ARB2A: variants seen among roughly 807,000 people sequenced by gnomAD.
ARB2A encodes the protein cotranscriptional regulator ARB2A.
At chr5:93,644,455 G>A in the ARB2A span, among the ~76,000 whole-genome samples, 2 of 152,094 alleles carry the variant, frequency 1.3e-5, no homozygotes, top group Non-Finnish European at 2.9e-5. Context: ...ACTGCAGACT[G>A]AACCCTTAAA....
At chr5:94,048,977 T>C in the ARB2A span, among the ~76,000 whole-genome samples, 1 of 152,226 alleles carries the variant, frequency 6.6e-6, no homozygotes, top group East Asian at 1.9e-4. Context: ...CTATTATACT[T>C]ATGTTACCAT....
chr5:93,778,701 T>C, the ARB2A span, among the ~76,000 whole-genome samples: 8 of 152,192 alleles, frequency 5.3e-5, no homozygotes, highest in African/African-American at 1.9e-4. Context: ...AACCAGGTGA[T>C]ATGTCGGTCT....
the ARB2A span, among the ~76,000 whole-genome samples, chr5:94,086,446 A>G: frequency 6.6e-6 from 1 of 152,228 alleles, no homozygotes; most frequent in African/African-American, 2.4e-5. Context: ...TGATGCTGGT[A>G]TAAACAAACA....
At chr5:93,742,753 A>G in the ARB2A span, among the ~76,000 whole-genome samples, 5 of 152,180 alleles carry the variant, frequency 3.3e-5, no homozygotes, top group East Asian at 9.6e-4. Flanking sequence ...GTATCTGGCT[A>G]TAGTGACAAC....
chr5:93,800,834 TAG>T, the ARB2A span, among the ~76,000 whole-genome samples: 1 of 152,130 alleles, frequency 6.6e-6, no homozygotes, highest in Non-Finnish European at 1.5e-5. Flanking sequence ...AATCTATAAA[TAG>T]AGTTAGGAAT....
chr5:93,856,809 G>A, the ARB2A span, among the ~76,000 whole-genome samples: 1 of 151,994 alleles, frequency 6.6e-6, no homozygotes, highest in Non-Finnish European at 1.5e-5. Context: ...GTCCAGCTTT[G>A]TTCCGTTACT....
chr5:93,810,390 TAAA>T, the ARB2A span, among the ~76,000 whole-genome samples: 924 of 152,092 alleles, frequency 6.1e-3, 6 homozygotes, highest in African/African-American at 0.021. Context: ...AATGCCTTGC[TAAA>T]TAATGGTTTG....
At chr5:94,032,056 C>T in the ARB2A span, among the ~76,000 whole-genome samples, 1 of 152,118 alleles carries the variant, frequency 6.6e-6, no homozygotes, top group African/African-American at 2.4e-5. Context: ...GGAGCCCAGG[C>T]AGAATCCTAA....
At chr5:93,991,466 C>A in the ARB2A span, among the ~76,000 whole-genome samples, 1 of 151,502 alleles carries the variant, frequency 6.6e-6, no homozygotes, top group South Asian at 2.1e-4. Flanking sequence ...TCAATAAAAA[C>A]AAACCAGAAG....
chr5:93,897,552 TAC>T, the ARB2A span, among the ~76,000 whole-genome samples: 1 of 151,954 alleles, frequency 6.6e-6, no homozygotes, highest in Non-Finnish European at 1.5e-5. Context: ...ACTTTAATTG[TAC>T]ACAGTTTTAA....
At chr5:93,724,259 C>T in the ARB2A span, among the ~76,000 whole-genome samples, 2 of 151,894 alleles carry the variant, frequency 1.3e-5, no homozygotes, top group East Asian at 3.9e-4. Flanking sequence ...ATTAACATTA[C>T]CAAAAGAAAC....
At chr5:94,082,695 T>G in the ARB2A span, among the ~76,000 whole-genome samples, 3 of 152,234 alleles carry the variant, frequency 2.0e-5, no homozygotes, top group East Asian at 5.8e-4. Flanking sequence ...GCCTTCAGAA[T>G]AGATTTTTTT....
the ARB2A span, among the ~76,000 whole-genome samples, chr5:93,849,231 A>G: frequency 3.9e-5 from 6 of 152,196 alleles, no homozygotes; most frequent in Non-Finnish European, 7.3e-5. Context: ...TAATTGAAAA[A>G]AAATTTCCAC....
At chr5:93,710,258 T>C in the ARB2A span, among the ~76,000 whole-genome samples, 10 of 152,330 alleles carry the variant, frequency 6.6e-5, no homozygotes, top group East Asian at 1.9e-3. Context: ...TAAAAATTTT[T>C]AGTTAGTTGC....
chr5:93,865,399 T>C, the ARB2A span: 13 of 985,402 alleles, frequency 1.3e-5, no homozygotes, highest in Non-Finnish European at 1.6e-5. Context: ...TAATTTCATG[T>C]GAGTAGAAAT....
At chr5:93,772,723 A>T in the ARB2A span, among the ~76,000 whole-genome samples, 1 of 152,202 alleles carries the variant, frequency 6.6e-6, no homozygotes, top group African/African-American at 2.4e-5. Context: ...GGTCACTCAC[A>T]TGGCTGTTGG....
At chr5:93,743,440 G>T in the ARB2A span, 1 of 594,078 alleles carries the variant, frequency 1.7e-6, no homozygotes, top group Non-Finnish European at 2.1e-6. Context: ...CCTTCAATTA[G>T]ATTTTAAGAT....
the ARB2A span, chr5:93,733,151 A>C: frequency 8.1e-5 from 12 of 148,582 alleles, no homozygotes; most frequent in African/African-American, 3.0e-4. Flanking sequence ...CTGCATGACC[A>C]CTCTTTTTGC....
chr5:93,810,297 A>G, the ARB2A span, among the ~76,000 whole-genome samples: 1 of 151,804 alleles, frequency 6.6e-6, no homozygotes, highest in African/African-American at 2.4e-5. Context: ...TCCTTTGTGC[A>G]ACCTTCCATA....
Sources: gnomAD v4.1 joint callset for allele counts (sites outside exome capture counted in the v4.1 genomes callset) on GRCh38, gnomAD v4.1.1 for gene constraint, MANE v1.5 for transcripts, NCBI Gene and HGNC (gene_info 2026-07-23, HGNC 2026-07-21) for gene names.